The following ZRANB3 variants were observed in gnomAD, a reference collection of about 807,000 sequenced individuals.
ZRANB3 encodes the protein zinc finger RANBP2-type containing 3, also known as DNA annealing helicase and endonuclease ZRANB3.
ZRANB3 carries 125 observed loss-of-function variants against 133.8 expected under a neutral mutation model. That is an observed-to-expected ratio of 0.93 (90% CI 0.81 to 1.08). The LOEUF (loss-of-function observed/expected upper bound fraction) is 1.08, where lower values mean the gene tolerates loss of function less well. Ranked by LOEUF, ZRANB3 falls within the 50% of genes least tolerant of loss-of-function variation. ZRANB3 has a pLI of 0.00. For missense variants in ZRANB3, 1,229 were observed against 1,275.5 expected, an observed-to-expected ratio of 0.96 and a Z score of 0.56; for synonymous variants, 387 against 432.7, an observed-to-expected ratio of 0.89 and a Z score of 1.31.
intron 2 of ZRANB3, among the ~76,000 whole-genome samples, chr2:135,464,174 C>T (rs937742501): frequency 6.6e-6 from 1 of 152,144 alleles, no homozygotes; most frequent in Non-Finnish European, 1.5e-5. Context: ...CTCAGAGGAA[C>T]ATAGGCTTTT....
chr2:135,391,604 G>A lies in ZRANB3; in HGVS notation c.162-784C>T, dbSNP rs552501887. On this transcript the variant is annotated intron_variant, in intron 2 of 20. Coordinates refer to ENST00000264159, the MANE Select transcript of ZRANB3 (RefSeq NM_032143.4). ...TTTCTTTTTTTTTTTTTTTGAGACG[G>A]AGTCTCGCTCTGTTGCCCAGGCTGG... is the stretch of plus-strand genomic sequence containing the variant. Among the ~76,000 whole-genome samples the A allele has an allele frequency of 2.7e-3, 412 of 149,844 alleles. 5 individuals are homozygous for A. The highest frequency in any genetic ancestry group is 5.7e-3 in the South Asian group (27 of 4,708).
chr2:135,204,702 A>G (rs1004345111), intron 19 of ZRANB3, among the ~76,000 whole-genome samples: 1 of 143,882 alleles, frequency 7.0e-6, no homozygotes, highest in South Asian at 2.2e-4. Context: ...ATACAATAAT[A>G]TATATTATAT....
At chr2:135,232,050 A>G (rs1465707009) in intron 12 of ZRANB3, among the ~76,000 whole-genome samples, 1 of 152,172 alleles carries the variant, frequency 6.6e-6, no homozygotes, top group African/African-American at 2.4e-5. Context: ...AGTCAAAGAA[A>G]GAGGTGACAG....
chr2:135,273,027 T>C (rs1174831217), intron 9 of ZRANB3, among the ~76,000 whole-genome samples: 3 of 150,958 alleles, frequency 2.0e-5, no homozygotes, highest in African/African-American at 2.4e-5. Context: ...ACTAAAAAAA[T>C]ACAAAAAAAT....
intron 2 of ZRANB3, among the ~76,000 whole-genome samples, chr2:135,411,315 A>G (rs942860476): frequency 2.6e-5 from 4 of 152,222 alleles, no homozygotes; most frequent in African/African-American, 9.6e-5. Flanking sequence ...CTGAGGGGGG[A>G]GGTGAGTGTA....
At chr2:135,477,961 T>C (rs990807607) in intron 2 of ZRANB3, among the ~76,000 whole-genome samples, 2 of 151,852 alleles carry the variant, frequency 1.3e-5, no homozygotes, top group East Asian at 3.9e-4. Flanking sequence ...CACACTCCAA[T>C]CTGAGTGACA....
In ZRANB3 at chr2:135,199,530, G is replaced by A. The variant is rs1693532528; in HGVS notation, c.*812C>T. 1 of 152,126 alleles carries A rather than the reference G, an allele frequency of 6.6e-6. No individual in the cohort carries two copies. The highest frequency in any genetic ancestry group is 2.4e-5 in the African/African-American group (1 of 41,380). 9.4% of individuals were successfully genotyped at this position (152,126 alleles called of 1,614,324 possible). On this transcript the variant is annotated 3_prime_UTR_variant, in exon 21 of 21. Transcript: ENST00000264159. ...CCAGGATGGTCTCGATCTATCTCCT[G>A]ACCTCATGATCCACCCGCTTTGGCC...
intron 2 of ZRANB3, among the ~76,000 whole-genome samples, chr2:135,434,847 T>G (rs1039210979): frequency 6.6e-6 from 1 of 152,236 alleles, no homozygotes; most frequent in Non-Finnish European, 1.5e-5. Flanking sequence ...TTCTTACTTA[T>G]TTTCATTATC....
intron 8 of ZRANB3, among the ~76,000 whole-genome samples, chr2:135,290,255 T>C (rs1009737515): frequency 1.3e-5 from 2 of 152,212 alleles, no homozygotes; most frequent in African/African-American, 4.8e-5. Context: ...GTAGTAATTG[T>C]TTCAAAAGTT....
intron 6 of ZRANB3, among the ~76,000 whole-genome samples, chr2:135,327,735 C>G (rs181042041): frequency 2.3e-4 from 35 of 152,198 alleles, no homozygotes; most frequent in Non-Finnish European, 2.6e-4. Flanking sequence ...GCTTCCTCAT[C>G]TATAAAATGG....
At chr2:135,453,032 C>T (rs1016025264) in intron 2 of ZRANB3, among the ~76,000 whole-genome samples, 8 of 152,244 alleles carry the variant, frequency 5.3e-5, no homozygotes, top group South Asian at 4.1e-4. Context: ...CCTGGGCATG[C>T]GGGTGTTTCC....
chr2:135,203,105 G>T (rs529271086), intron 19 of ZRANB3, 142 bp from the exon 20 acceptor site: 3 of 993,854 alleles, frequency 3.0e-6, no homozygotes, highest in South Asian at 1.8e-5. Context: ...AGCTTTTATT[G>T]TGAGTAGAAA....
chr2:135,378,747 C>A (rs1686545512), intron 3 of ZRANB3, among the ~76,000 whole-genome samples: 1 of 152,090 alleles, frequency 6.6e-6, no homozygotes, highest in East Asian at 1.9e-4. Context: ...GGTCTTCCCC[C>A]AAAAAACATA....
At chr2:135,509,278 T>A (rs1312567532) in intron 1 of ZRANB3, among the ~76,000 whole-genome samples, 1 of 152,190 alleles carries the variant, frequency 6.6e-6, no homozygotes, top group African/African-American at 2.4e-5. Context: ...TAAAACTTAC[T>A]ACAAATGCTG....
At chr2:135,307,867 C>T (rs1427211186) in intron 8 of ZRANB3, among the ~76,000 whole-genome samples, 1 of 152,134 alleles carries the variant, frequency 6.6e-6, no homozygotes, top group African/African-American at 2.4e-5. Flanking sequence ...TCAAATTCCC[C>T]CAGCAATGGG....
chr2:135,501,098 A>G (rs192630107), intron 2 of ZRANB3, among the ~76,000 whole-genome samples: 7 of 152,316 alleles, frequency 4.6e-5, no homozygotes, highest in African/African-American at 1.7e-4. Flanking sequence ...TGAATAGAGT[A>G]TAGTGAAACT....
chr2:135,326,461 A>T (rs1683829218), intron 6 of ZRANB3, among the ~76,000 whole-genome samples: 1 of 152,152 alleles, frequency 6.6e-6, no homozygotes, highest in Non-Finnish European at 1.5e-5. Context: ...GGGGATTAAA[A>T]TTTATAGTTT....
chr2:135,486,191 T>C (rs1692112674), intron 2 of ZRANB3, among the ~76,000 whole-genome samples: 1 of 152,204 alleles, frequency 6.6e-6, no homozygotes, highest in South Asian at 2.1e-4. Context: ...TCTTGAAGCA[T>C]ACACTGCTGT....
At chr2:135,236,465 G>C (rs1428198159) in intron 12 of ZRANB3, among the ~76,000 whole-genome samples, 1 of 152,026 alleles carries the variant, frequency 6.6e-6, no homozygotes, top group African/African-American at 2.4e-5. Context: ...AACCAAAAAA[G>C]AACCCACATT....
Sources: allele counts gnomAD v4.1 joint callset (sites outside exome capture counted in the v4.1 genomes callset), GRCh38; gene constraint gnomAD v4.1.1; transcripts MANE v1.5; gene names NCBI Gene and HGNC (gene_info 2026-07-23, HGNC 2026-07-21).